The following MAD1L1 variants were observed in gnomAD, a reference collection of about 807,000 sequenced individuals.
MAD1L1 encodes mitotic arrest deficient 1 like 1.
In MAD1L1, 95 loss-of-function variants were observed where a neutral mutation model predicts 96.9. The ratio of observed to expected loss-of-function variants is 0.98; its 90% confidence interval spans 0.83 to 1.16. The LOEUF (loss-of-function observed/expected upper bound fraction) is 1.16. Among genes scored for constraint, MAD1L1 ranks in the 50% most tolerant of loss-of-function variants. The probability of loss-of-function intolerance (pLI) is 0.00; values close to 1 mark genes in which losing one functional copy is unlikely to be tolerated. For synonymous variants in MAD1L1, 473 were observed against 396.6 expected (o/e 1.19, Z -2.29); for missense variants, 1,007 against 954.4 (o/e 1.06, Z -0.73).
chr7:1,866,404 G>A (rs1387766343), intron 18 of MAD1L1, among the ~76,000 whole-genome samples: 1 of 152,106 alleles, frequency 6.6e-6, no homozygotes, highest in Non-Finnish European at 1.5e-5. Flanking sequence ...AAAGCTCCCT[G>A]TGCCCCCACT....
At chr7:2,213,691 A>G (rs906786282) in intron 9 of MAD1L1, among the ~76,000 whole-genome samples, 7 of 152,066 alleles carry the variant, frequency 4.6e-5, no homozygotes, top group Non-Finnish European at 8.8e-5. Context: ...GAGCAGACAG[A>G]CTCAGTCCTG....
At chr7:2,145,803 C>T (rs1789268883) in intron 11 of MAD1L1, among the ~76,000 whole-genome samples, 1 of 152,204 alleles carries the variant, frequency 6.6e-6, no homozygotes, top group Non-Finnish European at 1.5e-5. Flanking sequence ...ACTGCAGTAA[C>T]TATGGAGAGA....
At chr7:2,098,526 C>T (rs1786615831) in intron 11 of MAD1L1, among the ~76,000 whole-genome samples, 1 of 152,214 alleles carries the variant, frequency 6.6e-6, no homozygotes, top group Non-Finnish European at 1.5e-5. Flanking sequence ...GTCACCCAAG[C>T]CATCATGTGT....
At chr7:2,093,137 C>T (rs564939407) in intron 11 of MAD1L1, among the ~76,000 whole-genome samples, 21 of 149,632 alleles carry the variant, frequency 1.4e-4, no homozygotes, top group Middle Eastern at 6.9e-3. Context: ...CCCAGCTACT[C>T]GGGAGACTGA....
At chr7:2,122,845 G>A (rs1788043674) in intron 11 of MAD1L1, among the ~76,000 whole-genome samples, 2 of 152,244 alleles carry the variant, frequency 1.3e-5, no homozygotes, top group South Asian at 2.1e-4. Flanking sequence ...AGCTGCACAT[G>A]TGCAGGCCAT....
chr7:1,982,204 A>T (rs536351572), intron 14 of MAD1L1, among the ~76,000 whole-genome samples: 289 of 151,532 alleles, frequency 1.9e-3, no homozygotes, highest in Non-Finnish European at 3.5e-3. Flanking sequence ...AAAATATAAA[A>T]ATATATACAT....
chr7:1,979,142 G>C (rs949073918), intron 15 of MAD1L1, among the ~76,000 whole-genome samples: 3 of 152,212 alleles, frequency 2.0e-5, no homozygotes, highest in Non-Finnish European at 4.4e-5. Context: ...CAGGGAGTGG[G>C]TGTGACGGAC....
At chr7:1,982,281 T>C (rs1780941137) in intron 14 of MAD1L1, among the ~76,000 whole-genome samples, 1 of 152,180 alleles carries the variant, frequency 6.6e-6, no homozygotes, top group African/African-American at 2.4e-5. Context: ...AGTGGTGTCA[T>C]CTCAGCTCAC....
chr7:2,049,541 G>C (rs759526920), intron 12 of MAD1L1, among the ~76,000 whole-genome samples: 7 of 152,206 alleles, frequency 4.6e-5, no homozygotes, highest in African/African-American at 1.7e-4. Context: ...GAGGCGGTAG[G>C]AGGAAGGACT....
chr7:1,951,802 AC>A (rs1488279181), intron 16 of MAD1L1, among the ~76,000 whole-genome samples: 12 of 151,960 alleles, frequency 7.9e-5, no homozygotes, highest in Admixed American at 7.9e-4. Flanking sequence ...ATCATGCTCC[AC>A]CGTATGGAAG....
chr7:1,993,396 G>C (rs905379757), intron 14 of MAD1L1, among the ~76,000 whole-genome samples: 2 of 152,216 alleles, frequency 1.3e-5, no homozygotes, highest in African/African-American at 4.8e-5. Context: ...ACCTTGGCAA[G>C]CTCCCTCTAA....
intron 12 of MAD1L1, among the ~76,000 whole-genome samples, chr7:2,048,115 G>A (rs1045704708): frequency 1.3e-5 from 2 of 152,206 alleles, no homozygotes; most frequent in Non-Finnish European, 2.9e-5. Flanking sequence ...CACGCACACA[G>A]TAATGCTCAT....
chr7:2,218,639 G>A (rs541076459), intron 6 of MAD1L1, among the ~76,000 whole-genome samples: 10 of 152,296 alleles, frequency 6.6e-5, no homozygotes, highest in African/African-American at 1.9e-4. Flanking sequence ...AGGGTACGGC[G>A]GCTCAGCCTG....
intron 17 of MAD1L1, among the ~76,000 whole-genome samples, chr7:1,935,151 C>A (rs931210377): frequency 2.0e-5 from 3 of 152,278 alleles, no homozygotes; most frequent in Non-Finnish European, 2.9e-5. Flanking sequence ...AATCCTCTCC[C>A]AGGGTGCAGA....
At chr7:2,097,628 C>T (rs2128548966) in intron 11 of MAD1L1, among the ~76,000 whole-genome samples, 2 of 152,328 alleles carry the variant, frequency 1.3e-5, no homozygotes, top group South Asian at 4.1e-4. Context: ...GGTGCGGACA[C>T]CCACAGCCAC....
chr7:2,148,811 T>A (rs1349460722), intron 11 of MAD1L1, among the ~76,000 whole-genome samples: 1 of 152,064 alleles, frequency 6.6e-6, no homozygotes, highest in Non-Finnish European at 1.5e-5. Flanking sequence ...ACGGGCTGGT[T>A]CCCAAGACCA....
chr7:2,144,982 C>T (rs1789222681), intron 11 of MAD1L1, among the ~76,000 whole-genome samples: 1 of 152,180 alleles, frequency 6.6e-6, no homozygotes, highest in Non-Finnish European at 1.5e-5. Flanking sequence ...AAGGGAGAAA[C>T]ACACAGGAGG....
At position 1,945,167 on chromosome 7, in the gene MAD1L1, C is replaced by T. The variant is rs150345641; in HGVS notation, c.1597-8270G>A. Among the ~76,000 whole-genome samples, 199 of 152,320 alleles carry T rather than the reference C, an allele frequency of 1.3e-3. 1 individual carries two copies. The highest frequency in any genetic ancestry group is 2.3e-3 in the Non-Finnish European group (159 of 68,030). The stretch of plus-strand genomic sequence containing the variant: ...CGCTCAGCAGGGGCCCAGCAGAGGC[C>T]GGCTGCCAAGGGTGACTGCTGTTGC... On this transcript the variant is annotated intron_variant, in intron 16 of 18. Coordinates refer to ENST00000265854, the MANE Select transcript of MAD1L1 (RefSeq NM_001013836.2).
At chr7:2,194,230 G>A (rs1562358974) in intron 10 of MAD1L1, among the ~76,000 whole-genome samples, 1 of 151,986 alleles carries the variant, frequency 6.6e-6, no homozygotes, top group Non-Finnish European at 1.5e-5. Context: ...AAAGTGCGGG[G>A]ATTACGGGCG....
Sources: allele counts gnomAD v4.1 joint callset (sites outside exome capture counted in the v4.1 genomes callset), GRCh38; gene constraint gnomAD v4.1.1; transcripts MANE v1.5; gene names NCBI Gene and HGNC (gene_info 2026-07-23, HGNC 2026-07-21).